Variants in NRK observed in about 807,000 individuals in gnomAD.
The protein encoded by NRK is Nik related kinase, also known as nik-related protein kinase.
Under a neutral mutation model 125.2 loss-of-function variants are expected in NRK, and 67 were observed. That is an observed-to-expected ratio of 0.54 (90% CI 0.44 to 0.66). The LOEUF is 0.66. Ranked by LOEUF, NRK falls within the 30% of genes least tolerant of loss-of-function variation. The pLI is 0.00. For synonymous variants in NRK, 458 were observed against 429.0 expected (o/e 1.07, Z -0.84); for missense variants, 1,224 against 1,192.9 (o/e 1.03, Z -0.38).
At chrX:105,861,919 C>T (rs997009290) in intron 2 of NRK, among the ~76,000 whole-genome samples, 12 of 109,757 alleles carry the variant, frequency 1.1e-4, no homozygotes, top group Non-Finnish European at 1.9e-4. Flanking sequence ...AAAAATTAGC[C>T]GGGCGTGGTG....
intron 7 of NRK, among the ~76,000 whole-genome samples, chrX:105,897,752 G>C (rs1400433100): frequency 4.5e-5 from 5 of 112,017 alleles, no homozygotes; most frequent in African/African-American, 1.6e-4. Context: ...TTTTGTTGTT[G>C]TCGTTCTTGT....
intron 8 of NRK, among the ~76,000 whole-genome samples, chrX:105,899,294 G>T (rs1054964999): frequency 8.9e-6 from 1 of 111,836 alleles, no homozygotes; most frequent in Non-Finnish European, 1.9e-5. Context: ...CATTTCAAAA[G>T]GTTGATGTGG....
chrX:105,909,577 G>T lies in NRK; in HGVS notation c.1936G>T (p.Asp646Tyr), dbSNP rs372448198. 3 of 1,206,450 alleles carry T rather than the reference G, an allele frequency of 2.5e-6. No homozygotes were observed. The highest frequency in any genetic ancestry group is 3.4e-6 in the Non-Finnish European group (3 of 892,383). The change falls in exon 13 of 29, where the codon GAC (aspartate) becomes TAC (tyrosine). Residue 646 changes from aspartate to tyrosine, a missense_variant. Transcript: ENST00000243300. ...VQALIEGLSR[D>Y]LLRAPNSNNS... ...AGCACTGATAGAGGGACTATCAAGA[G>T]ACTTGCTTCGGGCACCAAACTCAAA...
At chrX:105,860,391 A>T (rs1037580999) in intron 2 of NRK, among the ~76,000 whole-genome samples, 4 of 111,362 alleles carry the variant, frequency 3.6e-5, no homozygotes, top group Non-Finnish European at 7.5e-5. Context: ...ACTTATTTTC[A>T]TTTAAAAATA....
intron 2 of NRK, among the ~76,000 whole-genome samples, chrX:105,867,142 A>G (rs2039682956): frequency 8.9e-6 from 1 of 112,002 alleles, no homozygotes; most frequent in Non-Finnish European, 1.9e-5. Context: ...AGTTGCTTCA[A>G]TTTAGATTTT....
At chrX:105,850,023 T>A (rs762086543) in intron 2 of NRK, among the ~76,000 whole-genome samples, 55 of 112,435 alleles carry the variant, frequency 4.9e-4, no homozygotes, top group Non-Finnish European at 7.9e-4. Context: ...ATTTCCCTTC[T>A]GCACTGCCCT....
chrX:105,946,500 TA>T, intron 26 of NRK, 36 bp downstream of exon 26: 1 of 1,034,494 alleles, frequency 9.7e-7, no homozygotes, highest in Non-Finnish European at 1.3e-6. Flanking sequence ...GAAATTATTG[TA>T]TACCACCATT....
intron 19 of NRK, among the ~76,000 whole-genome samples, chrX:105,925,868 T>C (rs2040517097): frequency 9.0e-6 from 1 of 111,616 alleles, no homozygotes; most frequent in South Asian, 3.7e-4. Flanking sequence ...CTTAGGCTGA[T>C]GCCTTATTTT....
intron 17 of NRK, 55 bp downstream of exon 17, chrX:105,922,116 T>C (rs2040459389): frequency 3.4e-6 from 2 of 594,999 alleles, no homozygotes. Context: ...TCCATTTATT[T>C]TGACTTACAC....
rs2040679814 is a variant in NRK at position 105,937,436 on chromosome X, C to T, written c.3656-3C>T. 14 of 1,162,823 alleles carry T rather than the reference C, an allele frequency of 1.2e-5. No homozygotes were observed. The highest frequency in any genetic ancestry group is 1.8e-5 in the African/African-American group (1 of 56,421). ...TAATATAGCACTTTTTATATATGAA[C>T]AGGAGTCAATTTGCTGTTGGGAACC... On this transcript the variant is annotated splice_polypyrimidine_tract_variant and splice_region_variant and intron_variant, in intron 21 of 28. Coordinates refer to ENST00000243300, the MANE Select transcript of NRK (RefSeq NM_198465.4).
rs980933808 is a variant in NRK, at chrX:105,902,347, T to C, written c.766+1675T>C. Among the ~76,000 whole-genome samples the C allele has an allele frequency of 5.4e-5, 6 of 111,617 alleles. No homozygotes were observed. In the Admixed American group the frequency reaches 5.7e-4, roughly 11 times the overall value. ...CAAGAGCAGCCCTAAATAGCCTCCC[T>C]ACTAAAACATTTCTCTTTTACCGGT... On this transcript the variant is annotated intron_variant, in intron 9 of 28. Transcript: ENST00000243300.
At chrX:105,877,950 G>A (rs951943033) in intron 2 of NRK, among the ~76,000 whole-genome samples, 4 of 110,553 alleles carry the variant, frequency 3.6e-5, no homozygotes, top group Non-Finnish European at 7.6e-5. Context: ...CAAAAATTTT[G>A]TATTTTACTT....
At chrX:105,828,359 C>T (rs970231693) in intron 1 of NRK, among the ~76,000 whole-genome samples, 6 of 111,530 alleles carry the variant, frequency 5.4e-5, no homozygotes, top group Admixed American at 2.9e-4. Context: ...TGAATTTTGA[C>T]GGGCATTTTA....
chrX:105,880,305 TG>T, intron 3 of NRK, 50 bp downstream of exon 3: 1 of 506,664 alleles, frequency 2.0e-6, no homozygotes, highest in Non-Finnish European at 3.1e-6. Context: ...ACTGTGTTCC[TG>T]GGATACACAA....
chrX:105,906,764 C>CAT (rs1335213257), intron 11 of NRK, among the ~76,000 whole-genome samples, 175 bp downstream of exon 11: 12 of 87,538 alleles, frequency 1.4e-4, no homozygotes, highest in Middle Eastern at 6.1e-3. Flanking sequence ...TTTTCTCTTG[C>CAT]GTGTGTGTGT....
chrX:105,921,977 G>T lies in NRK; in HGVS notation c.2526G>T (p.Glu842Asp). The T allele has an allele frequency of 8.8e-7, 1 of 1,141,149 alleles. No homozygotes were observed. The highest frequency in any genetic ancestry group is 1.2e-6 in the Non-Finnish European group (1 of 834,916). The allele number at this position is 1,141,149 out of a possible 1,213,427, so 94.0% of individuals were successfully genotyped here. The change falls in exon 17 of 29, where the codon GAG (glutamate) becomes GAT (aspartate). Residue 842 changes from glutamate to aspartate, a missense_variant. Physicochemically the swap from Glu to Asp is conservative, Grantham distance 45 (BLOSUM62 2). Transcript: ENST00000243300. The part of the protein sequence containing the change: ...NWLAASESSS[E>D]EESPVTGRRS... The stretch of plus-strand genomic sequence containing the variant: ...GGCATTCCATAGAATCTTCTTCTGA[G>T]GAAGAAAGTCCTGTGACTGGAAGGA...
At chrX:105,845,685 T>C (rs2039391359) in intron 2 of NRK, among the ~76,000 whole-genome samples, 2 of 111,817 alleles carry the variant, frequency 1.8e-5, no homozygotes, top group African/African-American at 6.5e-5. Flanking sequence ...AGAAAGAAAC[T>C]GACTCTCCCA....
intron 10 of NRK, among the ~76,000 whole-genome samples, chrX:105,905,586 G>T (rs1021943496): frequency 1.8e-5 from 2 of 112,541 alleles, no homozygotes; most frequent in South Asian, 3.6e-4. Flanking sequence ...CCATTAATGG[G>T]CATGTTCAGT....
In NRK at chrX:105,921,970, C is replaced by T. The variant is rs748957839; in HGVS notation, c.2519C>T (p.Ser840Phe). Reference sequence around the variant, plus strand: ...TGTTTTTGGCATTCCATAGAATCTTCTTCTGAGGAAGAAAGTCCTGTGACT... The same window carrying T: ...TGTTTTTGGCATTCCATAGAATCTTTTTCTGAGGAAGAAAGTCCTGTGACT... Reference protein sequence around the residue: ...RQNWLAASESSSEEESPVTGR... With the variant: ...RQNWLAASESFSEEESPVTGR... The change falls in exon 17 of 29, where the codon TCT (serine) becomes TTT (phenylalanine). Residue 840 changes from serine (S) to phenylalanine (F), a missense_variant. Ser to Phe is a radical substitution (Grantham distance 155). Coordinates refer to ENST00000243300, the MANE Select transcript of NRK (RefSeq NM_198465.4). 1.5e-5 allele frequency: 17 copies of T among 1,123,114 alleles called. No individual in the cohort carries two copies. The African/African-American group carries it at 2.3e-4, about 16-fold the overall frequency. The allele number at this position is 1,123,114 out of a possible 1,213,427, so 92.6% of individuals were successfully genotyped here.
Sources: allele counts gnomAD v4.1 joint callset (sites outside exome capture counted in the v4.1 genomes callset), GRCh38; gene constraint gnomAD v4.1.1; transcripts MANE v1.5; gene names NCBI Gene and HGNC (gene_info 2026-07-23, HGNC 2026-07-21).